AFF2: variants seen among roughly 807,000 people sequenced by gnomAD.
AFF2 encodes ALF transcription elongation factor 2, also known as AF4/FMR2 family member 2.
A neutral mutation model predicts 76.9 loss-of-function variants in AFF2; 14 were observed. That is an observed-to-expected ratio of 0.18 (90% CI 0.12 to 0.28). AFF2 has a LOEUF of 0.28. Among genes scored for constraint, AFF2 ranks in the 10% least tolerant of loss-of-function variants. The pLI, the probability that AFF2 is intolerant of heterozygous loss-of-function variation, is 1.00. For missense variants in AFF2, 868 were observed against 1,001.1 expected (o/e 0.87, Z 1.79); for synonymous variants, 398 against 366.7 (o/e 1.09, Z -0.98).
intron 3 of AFF2, among the ~76,000 whole-genome samples, chrX:148,696,556 C>T (rs1334540109): frequency 2.7e-5 from 3 of 111,694 alleles, no homozygotes; most frequent in African/African-American, 9.8e-5. Context: ...TCTAGCAGAG[C>T]CTGGATAGAA....
At chrX:148,833,611 A>T (rs1178137195) in intron 4 of AFF2, among the ~76,000 whole-genome samples, 109 of 109,989 alleles carry the variant, frequency 9.9e-4, no homozygotes, top group Middle Eastern at 4.6e-3. Flanking sequence ...CAAAAAAAAA[A>T]AAAATAAAAA....
intron 1 of AFF2, among the ~76,000 whole-genome samples, chrX:148,569,642 T>A (rs2053207092): frequency 9.0e-6 from 1 of 111,367 alleles, no homozygotes; most frequent in Non-Finnish European, 1.9e-5. Context: ...TCTCTGAGGA[T>A]AACTGTGTGT....
chrX:148,944,672 T>C (rs1291808690), intron 9 of AFF2, among the ~76,000 whole-genome samples: 3 of 111,083 alleles, frequency 2.7e-5, no homozygotes, highest in Non-Finnish European at 5.7e-5. Context: ...TATTCTTCCA[T>C]ATGCAAATTG....
At chrX:148,761,477 T>G (rs1301543408) in intron 3 of AFF2, among the ~76,000 whole-genome samples, 4 of 108,828 alleles carry the variant, frequency 3.7e-5, no homozygotes, top group Non-Finnish European at 5.7e-5. Context: ...GTTTTTTTTT[T>G]TTTTTCATAA....
chrX:148,638,472 C>G (rs782255790), intron 1 of AFF2, among the ~76,000 whole-genome samples: 5 of 111,504 alleles, frequency 4.5e-5, no homozygotes, highest in Non-Finnish European at 3.8e-5. Flanking sequence ...CAATCACCCC[C>G]CAACCAGGTC....
chrX:148,613,564 G>T (rs1304569698), intron 1 of AFF2, among the ~76,000 whole-genome samples: 1 of 111,330 alleles, frequency 9.0e-6, no homozygotes, highest in Non-Finnish European at 1.9e-5. Context: ...TAATGGGGTG[G>T]CCTTCAATGC....
At chrX:148,573,038 A>C (rs1233672130) in intron 1 of AFF2, among the ~76,000 whole-genome samples, 3 of 111,486 alleles carry the variant, frequency 2.7e-5, no homozygotes, top group African/African-American at 9.8e-5. Flanking sequence ...TTTCAGAAAG[A>C]GTATTTTATC....
chrX:148,998,190 T>A lies in AFF2; in HGVS notation c.*6858T>A, dbSNP rs1722528882. 2 of 111,672 alleles carry A rather than the reference T, an allele frequency of 1.8e-5. No homozygotes were observed. Among genetic ancestry groups the A allele is most frequent in the Admixed American group, 9.5e-5 (1 of 10,516 alleles). 9.2% of individuals were successfully genotyped at this position (111,672 alleles called of 1,213,427 possible). A position where few individuals can be genotyped will look rare whatever the true frequency, so the allele number is the denominator to read the frequency against. ...GATGAGTGATATATTCTTTGGATCCTGCAAAGAAGAGATTGGTTTATTTTC... is the reference window on the plus strand; with the variant it reads ...GATGAGTGATATATTCTTTGGATCCAGCAAAGAAGAGATTGGTTTATTTTC... On this transcript the variant is annotated 3_prime_UTR_variant, in exon 21 of 21. Coordinates refer to ENST00000370460, the MANE Select transcript of AFF2 (RefSeq NM_002025.4).
chrX:148,639,303 A>G (rs2054064383), intron 1 of AFF2, among the ~76,000 whole-genome samples: 1 of 112,354 alleles, frequency 8.9e-6, no homozygotes, highest in African/African-American at 3.2e-5. Context: ...TTATTTGGTA[A>G]TGACATCAAT....
chrX:148,936,061 G>A (rs782283754), intron 9 of AFF2, among the ~76,000 whole-genome samples: 1 of 110,865 alleles, frequency 9.0e-6, no homozygotes, highest in Admixed American at 9.6e-5. Flanking sequence ...AGTCTTCTTC[G>A]TGGATCTTTC....
chrX:148,835,033 G>T (rs187364933), intron 4 of AFF2, among the ~76,000 whole-genome samples: 3 of 112,253 alleles, frequency 2.7e-5, no homozygotes, highest in Non-Finnish European at 5.6e-5. Flanking sequence ...AGTTTGTGCA[G>T]TTCCATGTGG....
chrX:148,662,472 C>T lies in AFF2; in HGVS notation c.745C>T (p.Pro249Ser), dbSNP rs963831686. 8.3e-7 allele frequency: 1 copy of T among 1,210,368 alleles called. No individual in the cohort carries two copies. Among genetic ancestry groups the T allele is most frequent in the African/African-American group, 1.7e-5 (1 of 57,258 alleles). The change falls in exon 3 of 21, where the codon CCT becomes TCT. Residue 249 changes from proline (P) to serine (S), a missense_variant. Around this residue, in one of 6 missense-constraint regions of AFF2, gnomAD observed 196 missense variants for 194.8 expected, o/e 1.01. Coordinates refer to ENST00000370460, the MANE Select transcript of AFF2 (RefSeq NM_002025.4). ...PEESEFAVQAPGSPLVASSLL... is the reference protein window; with the variant it reads ...PEESEFAVQASGSPLVASSLL... The stretch of plus-strand genomic sequence containing the variant: ...AGAATCTGAATTCGCCGTGCAAGCG[C>T]CTGGGTCTCCCCTAGTGGCTTCCTC...
intron 3 of AFF2, among the ~76,000 whole-genome samples, chrX:148,768,295 A>G (rs2069544105): frequency 9.1e-6 from 1 of 109,607 alleles, no homozygotes; most frequent in South Asian, 4.0e-4. Context: ...ACGCTGTAAT[A>G]TAGTGATCTC....
chrX:148,647,183 A>G, intron 1 of AFF2, among the ~76,000 whole-genome samples: 1 of 112,352 alleles, frequency 8.9e-6, no homozygotes, highest in African/African-American at 3.2e-5. Flanking sequence ...AGTGGATTAA[A>G]TATGTATTTT....
chrX:148,716,492 G>T (rs782093299), intron 3 of AFF2, among the ~76,000 whole-genome samples: 3 of 111,448 alleles, frequency 2.7e-5, no homozygotes, highest in African/African-American at 9.8e-5. Context: ...CCTTGGTTGG[G>T]GGAGTGTTTC....
intron 1 of AFF2, among the ~76,000 whole-genome samples, chrX:148,596,319 T>A (rs2053571047): frequency 8.9e-6 from 1 of 111,785 alleles, no homozygotes; most frequent in Non-Finnish European, 1.9e-5. Context: ...TGGGCTGTAG[T>A]ACATCTGAAG....
intron 7 of AFF2, among the ~76,000 whole-genome samples, chrX:148,843,767 A>C (rs1285662964): frequency 9.0e-6 from 1 of 110,977 alleles, no homozygotes; most frequent in Admixed American, 9.6e-5. Flanking sequence ...CTGTTTTCTT[A>C]CTCTAATCCC....
At position 148,962,804 on chromosome X, in the gene AFF2, G is replaced by A. The variant is rs140927355; in HGVS notation, c.2780G>A (p.Arg927His). ...LSPLPEDPPR[R>H]RNVSGNNGPF... ...CCACTGCCAGAGGACCCTCCACGCC[G>A]CAGAAATGTCAGTGGCAATAATGGT... is the stretch of plus-strand genomic sequence containing the variant. Residue 927 changes from arginine (R) to histidine (H), a missense_variant, in exon 13 of 21, where the codon CGC (arginine) becomes CAC (histidine). Transcript: ENST00000370460. 1.0e-3 allele frequency: 1,216 copies of A among 1,208,209 alleles called. 2 individuals carry two copies. The highest frequency in any genetic ancestry group is 5.3e-3 in the South Asian group (303 of 56,709).
At chrX:148,869,672 T>C (rs1374222218) in intron 7 of AFF2, among the ~76,000 whole-genome samples, 2 of 111,966 alleles carry the variant, frequency 1.8e-5, no homozygotes, top group Non-Finnish European at 3.8e-5. Context: ...TTCCTGGGGC[T>C]GCTATAACAG....
Sources: allele counts gnomAD v4.1 joint callset (sites outside exome capture counted in the v4.1 genomes callset), GRCh38; gene constraint gnomAD v4.1.1; regional missense constraint gnomAD v4.1.1; transcripts MANE v1.5; gene names NCBI Gene and HGNC (gene_info 2026-07-23, HGNC 2026-07-21).